The following KCNK13 variants were observed in gnomAD, a reference collection of about 807,000 sequenced individuals.
The protein encoded by KCNK13 is potassium channel subfamily K member 13.
In KCNK13, 12 loss-of-function variants were observed where a neutral mutation model predicts 23.4. That is an observed-to-expected ratio of 0.51 (90% CI 0.33 to 0.83). KCNK13 has a LOEUF of 0.83. Among genes scored for constraint, KCNK13 ranks in the 40% least tolerant of loss-of-function variants. The pLI is 0.02. For synonymous variants in KCNK13, 231 were observed against 229.5 expected, an observed-to-expected ratio of 1.01 and a Z score of -0.06; for missense variants, 463 against 556.3, an observed-to-expected ratio of 0.83 and a Z score of 1.69.
chr14:90,107,873 G>T (rs1022010811), intron 1 of KCNK13: 5 of 804,874 alleles, frequency 6.2e-6, no homozygotes, highest in African/African-American at 3.4e-5. Context: ...GCTCACGGGA[G>T]CAAGAATGGG....
chr14:90,101,790 C>CAAAAAAAAAAAAAAAAAAAAAAAAAAAA (rs546423368), intron 1 of KCNK13, among the ~76,000 whole-genome samples: 7 of 55,582 alleles, frequency 1.3e-4, no homozygotes, highest in African/African-American at 4.6e-4. Context: ...ACTCCGTCTC[C>CAAAAAAAAAAAAAAAAAAAAAAAAAAAA]AAAAAAAAAA....
intron 1 of KCNK13, among the ~76,000 whole-genome samples, chr14:90,139,910 C>T (rs1018138122): frequency 1.3e-5 from 2 of 151,908 alleles, no homozygotes; most frequent in East Asian, 1.9e-4. Flanking sequence ...TGCAGTGACC[C>T]GAGATCACAC....
chr14:90,068,493 C>T (rs536231277), intron 1 of KCNK13, among the ~76,000 whole-genome samples: 4 of 151,928 alleles, frequency 2.6e-5, no homozygotes, highest in African/African-American at 7.2e-5. Flanking sequence ...AGCTACTTGG[C>T]GGGCTGAGGT....
chr14:90,169,738 C>T lies in KCNK13; in HGVS notation c.335-14373C>T, dbSNP rs1566651067. Among the ~76,000 whole-genome samples, 3 of 152,202 alleles carry T rather than the reference C, an allele frequency of 2.0e-5. 1 individual carries two copies. The South Asian group carries it at 6.2e-4, about 32-fold the overall frequency. On this transcript the variant is annotated intron_variant, in intron 1 of 1. Coordinates refer to ENST00000282146, the MANE Select transcript of KCNK13 (RefSeq NM_022054.4). The stretch of plus-strand genomic sequence containing the variant: ...CTCCTAGCATACATATCCCGAGGTA[C>T]TTACTTGTCCCGGTCTCTCCTTACC...
At chr14:90,178,955 G>T (rs28368797) in intron 1 of KCNK13, among the ~76,000 whole-genome samples, 1 of 152,204 alleles carries the variant, frequency 6.6e-6, no homozygotes, top group Non-Finnish European at 1.5e-5. Flanking sequence ...CTAAATGTGG[G>T]TGCAGCCTGT....
At chr14:90,075,324 C>G (rs542763372) in intron 1 of KCNK13, among the ~76,000 whole-genome samples, 6 of 152,204 alleles carry the variant, frequency 3.9e-5, no homozygotes, top group Admixed American at 1.3e-4. Flanking sequence ...GGGGTTCAAC[C>G]CATTTCCTCC....
chr14:90,107,431 T>C (rs1356305241), intron 1 of KCNK13, among the ~76,000 whole-genome samples: 1 of 152,192 alleles, frequency 6.6e-6, no homozygotes, highest in African/African-American at 2.4e-5. Context: ...TGAGCCGAGA[T>C]GGCACCACTG....
intron 1 of KCNK13, among the ~76,000 whole-genome samples, chr14:90,173,214 A>G (rs1890385015): frequency 6.6e-6 from 1 of 152,188 alleles, no homozygotes; most frequent in African/African-American, 2.4e-5. Flanking sequence ...AGAATATACT[A>G]GGTGTGGTGG....
intron 1 of KCNK13, among the ~76,000 whole-genome samples, chr14:90,152,050 C>T (rs937390500): frequency 6.6e-6 from 1 of 152,130 alleles, no homozygotes; most frequent in African/African-American, 2.4e-5. Flanking sequence ...TTTGTCTCCA[C>T]CCAAATTTCA....
chr14:90,084,817 T>C (rs1244979802), intron 1 of KCNK13, among the ~76,000 whole-genome samples: 2 of 152,264 alleles, frequency 1.3e-5, no homozygotes, highest in East Asian at 3.8e-4. Context: ...TTGAATGTTT[T>C]TATCACAAAG....
At chr14:90,166,480 C>A (rs1890304254) in intron 1 of KCNK13, among the ~76,000 whole-genome samples, 1 of 152,166 alleles carries the variant, frequency 6.6e-6, no homozygotes, top group Non-Finnish European at 1.5e-5. Flanking sequence ...CTAAGGCGGG[C>A]AGACCACCTG....
At chr14:90,137,360 G>A (rs531218689) in intron 1 of KCNK13, among the ~76,000 whole-genome samples, 14 of 151,246 alleles carry the variant, frequency 9.3e-5, no homozygotes, top group South Asian at 4.2e-4. Context: ...TTGCTCTGTC[G>A]CCCAGGCTGG....
intron 1 of KCNK13, among the ~76,000 whole-genome samples, chr14:90,098,177 C>G (rs1358924666): frequency 6.6e-6 from 1 of 152,186 alleles, no homozygotes; most frequent in East Asian, 1.9e-4. Context: ...TGGATGTTCC[C>G]AAGTACCACG....
intron 1 of KCNK13, among the ~76,000 whole-genome samples, chr14:90,078,724 C>G (rs1889173152): frequency 6.6e-6 from 1 of 152,082 alleles, no homozygotes; most frequent in South Asian, 2.1e-4. Context: ...GAAGACCGAG[C>G]TCCCGGAGCT....
chr14:90,063,413 G>A (rs1230584868), intron 1 of KCNK13, among the ~76,000 whole-genome samples: 1 of 152,056 alleles, frequency 6.6e-6, no homozygotes, highest in African/African-American at 2.4e-5. Context: ...AATGATTTGG[G>A]GGAGTCTGCG....
chr14:90,116,296 G>A (rs185491857), intron 1 of KCNK13, among the ~76,000 whole-genome samples: 1 of 152,256 alleles, frequency 6.6e-6, no homozygotes, highest in Non-Finnish European at 1.5e-5. Flanking sequence ...CTGTCTGAAT[G>A]GATGTCACTA....
intron 1 of KCNK13, among the ~76,000 whole-genome samples, chr14:90,089,813 A>G (rs549433234): frequency 7.5e-4 from 115 of 152,362 alleles, no homozygotes; most frequent in Middle Eastern, 3.4e-3. Flanking sequence ...GGGCCAAGGT[A>G]CAGCTCAGGC....
At chr14:90,130,179 C>CATTTTATTTATTT (rs1555403402) in intron 1 of KCNK13, among the ~76,000 whole-genome samples, 1 of 142,056 alleles carries the variant, frequency 7.0e-6, no homozygotes, top group African/African-American at 2.6e-5. Flanking sequence ...TGGAGAAGGA[C>CATTTTATTTATTT]ATTTATTTAT....
chr14:90,168,791 C>A (rs1265657276), intron 1 of KCNK13, among the ~76,000 whole-genome samples: 3 of 152,186 alleles, frequency 2.0e-5, no homozygotes, highest in Non-Finnish European at 4.4e-5. Context: ...GTCTGTGTCA[C>A]CACCCAAATC....
Sources: allele counts gnomAD v4.1 joint callset (sites outside exome capture counted in the v4.1 genomes callset), GRCh38; gene constraint gnomAD v4.1.1; transcripts MANE v1.5; gene names NCBI Gene and HGNC (gene_info 2026-07-23, HGNC 2026-07-21).